PDE11A: variants seen among roughly 807,000 people sequenced by gnomAD.
PDE11A encodes the protein phosphodiesterase 11A.
PDE11A carries 100 observed loss-of-function variants against 100.5 expected under a neutral mutation model. The observed-to-expected ratio is 1.00, with a 90% CI of 0.85 to 1.18. PDE11A has a LOEUF of 1.18. Ranked by LOEUF, PDE11A falls within the 50% of genes most tolerant of loss-of-function variation. The probability of loss-of-function intolerance (pLI) is 0.00; values close to 1 mark genes in which losing one functional copy is unlikely to be tolerated. For synonymous variants in PDE11A, 381 were observed against 420.8 expected (o/e 0.91, Z 1.16); for missense variants, 1,141 against 1,152.6 (o/e 0.99, Z 0.15).
chr2:177,977,334 T>C (rs2085822697), intron 2 of PDE11A, among the ~76,000 whole-genome samples: 2 of 147,886 alleles, frequency 1.4e-5, no homozygotes, highest in Admixed American at 1.3e-4. Context: ...TAAACTCCCA[T>C]TCACAATTGC....
intron 9 of PDE11A, among the ~76,000 whole-genome samples, chr2:177,803,245 T>C (rs2082818968): frequency 6.6e-6 from 1 of 151,654 alleles, no homozygotes; most frequent in Non-Finnish European, 1.5e-5. Flanking sequence ...AGCAGAATCT[T>C]AGATTAGATA....
At chr2:178,102,130 ATT>A (rs201019394) in intron 2 of PDE11A, among the ~76,000 whole-genome samples, 21 of 145,160 alleles carry the variant, frequency 1.4e-4, no homozygotes, top group African/African-American at 2.0e-4. Flanking sequence ...CATCTGTCTA[ATT>A]TTTTTTTTTT....
chr2:178,015,317 G>A (rs756526579), intron 1 of PDE11A, among the ~76,000 whole-genome samples: 21 of 152,070 alleles, frequency 1.4e-4, no homozygotes, highest in Non-Finnish European at 2.1e-4. Flanking sequence ...AATGTGTAAC[G>A]TGAATCTAAT....
At chr2:177,925,847 TA>T (rs1487275580) in intron 2 of PDE11A, among the ~76,000 whole-genome samples, 1 of 152,154 alleles carries the variant, frequency 6.6e-6, no homozygotes, top group Non-Finnish European at 1.5e-5. Context: ...GAAGATCAAA[TA>T]AAAAAATGAA....
chr2:177,827,416 C>A (rs2083242785), intron 6 of PDE11A, among the ~76,000 whole-genome samples: 1 of 152,144 alleles, frequency 6.6e-6, no homozygotes, highest in Non-Finnish European at 1.5e-5. Flanking sequence ...TAAGGCCTGC[C>A]CTACTTTTTA....
At chr2:177,972,850 G>A (rs2085789312) in intron 2 of PDE11A, among the ~76,000 whole-genome samples, 1 of 152,178 alleles carries the variant, frequency 6.6e-6, no homozygotes, top group Non-Finnish European at 1.5e-5. Flanking sequence ...CTAGGGTAGA[G>A]GTTGGTAGGC....
chr2:178,049,244 A>G (rs2086790972), intron 1 of PDE11A, among the ~76,000 whole-genome samples: 1 of 152,212 alleles, frequency 6.6e-6, no homozygotes, highest in African/African-American at 2.4e-5. Context: ...AAGTGAACAG[A>G]TTTGAGATGG....
At chr2:177,674,301 C>T (rs888710224) in intron 17 of PDE11A, among the ~76,000 whole-genome samples, 13 of 152,162 alleles carry the variant, frequency 8.5e-5, no homozygotes, top group Non-Finnish European at 1.6e-4. Flanking sequence ...GTGGCCAAAA[C>T]GACAGGAGTG....
intron 12 of PDE11A, among the ~76,000 whole-genome samples, chr2:177,718,261 C>T (rs80004606): frequency 6.6e-6 from 1 of 152,164 alleles, no homozygotes; most frequent in Non-Finnish European, 1.5e-5. Flanking sequence ...AACATTGAGG[C>T]ACCAGGTTAC....
At chr2:177,904,533 A>G (rs976479967) in intron 3 of PDE11A, among the ~76,000 whole-genome samples, 13 of 151,440 alleles carry the variant, frequency 8.6e-5, no homozygotes, top group African/African-American at 3.2e-4. Context: ...GCTGCCTTAT[A>G]GTATAGATGT....
intron 2 of PDE11A, among the ~76,000 whole-genome samples, chr2:177,991,219 G>A (rs2085999952): frequency 6.7e-6 from 1 of 150,224 alleles, no homozygotes; most frequent in Non-Finnish European, 1.5e-5. Flanking sequence ...CACCTACTCA[G>A]GATTGGGAGG....
intron 10 of PDE11A, 69 bp from the exon 11 acceptor site, chr2:177,728,241 C>A: frequency 7.2e-7 from 1 of 1,385,576 alleles, no homozygotes; most frequent in Admixed American, 1.7e-5. Flanking sequence ...CTGCTCTCCT[C>A]CCCTGCTTAT....
At chr2:177,675,827 T>C in intron 16 of PDE11A, 1 of 467,400 alleles carries the variant, frequency 2.1e-6, no homozygotes. Context: ...CTTAAAATAA[T>C]TTATAATGGA....
intron 17 of PDE11A, among the ~76,000 whole-genome samples, chr2:177,672,983 A>G (rs542505783): frequency 6.9e-4 from 105 of 152,328 alleles, no homozygotes; most frequent in African/African-American, 2.5e-3. Flanking sequence ...TGATTTACCT[A>G]TATGGTTCTC....
intron 5 of PDE11A, 29 bp downstream of exon 5, chr2:177,875,830 A>G: frequency 6.7e-7 from 1 of 1,495,198 alleles, no homozygotes; most frequent in Non-Finnish European, 9.3e-7. Flanking sequence ...AAAGAACATC[A>G]AAAGACCCAT....
chr2:177,737,221 C>G (rs2105459552), intron 10 of PDE11A, among the ~76,000 whole-genome samples: 1 of 151,174 alleles, frequency 6.6e-6, no homozygotes, highest in East Asian at 1.9e-4. Context: ...GCCCAGGCAA[C>G]AAGAGTGAAA....
chr2:177,849,762 C>T lies in PDE11A; in HGVS notation c.1368-9379G>A, dbSNP rs552968445. Among the ~76,000 whole-genome samples the T allele has an allele frequency of 8.1e-5, 12 of 148,820 alleles. No individual in the cohort carries two copies. In the East Asian group the frequency reaches 2.4e-3, roughly 30 times the overall value. On this transcript the variant is annotated intron_variant, in intron 5 of 19. Transcript: ENST00000286063. ...CTGAGATCGTGCCACTGCACTCCAG[C>T]CTGGGCGACAGAGCGAGACTCCATC...
intron 1 of PDE11A, among the ~76,000 whole-genome samples, chr2:178,053,575 T>A (rs1196265378): frequency 1.3e-5 from 2 of 152,170 alleles, no homozygotes; most frequent in Non-Finnish European, 2.9e-5. Flanking sequence ...AGTCAAATTG[T>A]CCCTGTTTGC....
intron 9 of PDE11A, among the ~76,000 whole-genome samples, chr2:177,800,790 T>C (rs1242534371): frequency 6.6e-6 from 1 of 152,154 alleles, no homozygotes; most frequent in Non-Finnish European, 1.5e-5. Context: ...GTCTACATGC[T>C]AGATGCTGAG....
Sources: allele counts gnomAD v4.1 joint callset (sites outside exome capture counted in the v4.1 genomes callset), GRCh38; gene constraint gnomAD v4.1.1; transcripts MANE v1.5; gene names NCBI Gene and HGNC (gene_info 2026-07-23, HGNC 2026-07-21).